Variants in AP2A1 observed in about 807,000 individuals in gnomAD.
AP2A1 encodes AP-2 complex subunit alpha-1.
AP2A1 carries 21 observed loss-of-function variants against 107.3 expected under a neutral mutation model. The observed-to-expected ratio is 0.20, with a 90% confidence interval of 0.14 to 0.28. The LOEUF (loss-of-function observed/expected upper bound fraction) is 0.28, where lower values mean the gene tolerates loss of function less well. Ranked by LOEUF, AP2A1 falls within the 10% of genes least tolerant of loss-of-function variation. The pLI, the probability that AP2A1 is intolerant of heterozygous loss-of-function variation, is 1.00. For synonymous variants in AP2A1, 602 were observed against 564.8 expected (o/e 1.07, Z -0.93); for missense variants, 873 against 1,307.7 (o/e 0.67, Z 5.13).
At chr19:49,795,836 G>C in intron 7 of AP2A1, 98 bp downstream of exon 7, 1 of 960,840 alleles carries the variant, frequency 1.0e-6, no homozygotes, top group East Asian at 2.6e-5. Flanking sequence ...GGAGGGTCTG[G>C]GTCAGGATTT....
At chr19:49,772,267 T>G (rs1163159559) in intron 1 of AP2A1, among the ~76,000 whole-genome samples, 1 of 135,180 alleles carries the variant, frequency 7.4e-6, no homozygotes, top group Non-Finnish European at 1.6e-5. Flanking sequence ...TTTTTTTTTT[T>G]TTTTTTTTTT....
rs1336700433 is a variant in AP2A1, at chr19:49,802,066, A to G, written c.2039A>G (p.Asn680Ser). Reference protein sequence around the residue: ...AAPPASAGAGNLLVDVFDGPA... With the variant: ...AAPPASAGAGSLLVDVFDGPA... ...CCCCCGGCTTCTGCAGGAGCAGGGA[A>G]CCTTCTGGTGGACGTCTTCGATGGC... Residue 680 changes from asparagine to serine, a missense_variant, in exon 15 of 23, where the codon AAC becomes AGC. This residue lies in a region of AP2A1 where 416 missense variants were observed against 473.4 expected (regional missense o/e 0.88). Transcript: ENST00000354293. 6.3e-7 allele frequency: 1 copy of G among 1,591,138 alleles called. No individual in the cohort carries two copies. Among genetic ancestry groups the G allele is most frequent in the African/African-American group, 1.3e-5 (1 of 74,222 alleles).
chr19:49,773,046 GAGCC>G (rs1193856979), intron 1 of AP2A1, among the ~76,000 whole-genome samples: 4 of 152,016 alleles, frequency 2.6e-5, no homozygotes, highest in African/African-American at 9.7e-5. Context: ...GAAGAGTGTG[GAGCC>G]AGCCAGCAGG....
Position 49,788,894 on chromosome 19 carries a change from A to ACTG in AP2A1, c.474-3037_474-3035dup, listed in dbSNP as rs1407302917. ...TGTAGGGTGAGCGTCTGGGGGCAGC[A>ACTG]CTGCTGGTCTTGGTCTGCTGCACAC... On this transcript the variant is annotated intron_variant, in intron 4 of 22. Transcript: ENST00000354293. This position sits in a 1 kb window ranked among gnomAD's most constrained non-coding sequence, Gnocchi z 4.5. 6.6e-6 allele frequency among the ~76,000 whole-genome samples: 1 copy of ACTG among 152,188 alleles called. No individual in the cohort carries two copies. The highest frequency in any genetic ancestry group is 1.5e-5 in the Non-Finnish European group (1 of 68,024).
chr19:49,782,361 G>A (rs1012875474), intron 3 of AP2A1, among the ~76,000 whole-genome samples, 170 bp from the exon 4 acceptor site: 60 of 150,238 alleles, frequency 4.0e-4, no homozygotes, highest in Non-Finnish European at 3.0e-4. Flanking sequence ...GGGTCTGAGG[G>A]AGGAGGGGCC....
intron 22 of AP2A1, chr19:49,806,479 A>C (rs2073388244): frequency 2.1e-6 from 3 of 1,441,138 alleles, no homozygotes; most frequent in African/African-American, 2.9e-5. Context: ...CTACCTTTCC[A>C]TATCCTTTCC....
In AP2A1 at chr19:49,799,617, C is replaced by G. The variant is rs753923015; in HGVS notation, c.1135-12C>G. On this transcript the variant is annotated splice_polypyrimidine_tract_variant and intron_variant, in intron 9 of 22. Coordinates refer to ENST00000354293, the MANE Select transcript of AP2A1 (RefSeq NM_130787.3). ...GTCTAAAACACACCTGGGCTCTGCT[C>G]TCCGCCCTCAGACGGAGCGGGACGT... The G allele has an allele frequency of 1.9e-6, 3 of 1,607,426 alleles. No individual in the cohort carries two copies. The highest frequency in any genetic ancestry group is 1.7e-5 in the Admixed American group (1 of 59,928).
At chr19:49,804,525 G>A (rs2073336178) in intron 18 of AP2A1, 1 of 147,912 alleles carries the variant, frequency 6.8e-6, no homozygotes, top group South Asian at 2.2e-4. Flanking sequence ...GGGCGACAGC[G>A]AGACTCCGTC....
intron 15 of AP2A1, chr19:49,802,384 G>A (rs1256416601): frequency 5.3e-6 from 5 of 940,466 alleles, no homozygotes; most frequent in Admixed American, 2.0e-5. Flanking sequence ...TCCTGTCACC[G>A]TTTCTCAGCC....
Position 49,785,612 on chromosome 19 carries a change from A to T in AP2A1, c.473+2888A>T, listed in dbSNP as rs887210357. ...ATCTGAGAGAGATCGGCACCGTCCAATAAAAATATAATGCAAAATACAGGC... is the reference window on the plus strand; with the variant it reads ...ATCTGAGAGAGATCGGCACCGTCCATTAAAAATATAATGCAAAATACAGGC... On this transcript the variant is annotated intron_variant, in intron 4 of 22. Coordinates refer to ENST00000354293, the MANE Select transcript of AP2A1 (RefSeq NM_130787.3). The surrounding 1 kb of genome is among the most constrained non-coding windows in gnomAD (Gnocchi z 4.1). Among the ~76,000 whole-genome samples, 1 of 152,008 alleles carries T rather than the reference A, an allele frequency of 6.6e-6. No individual in the cohort carries two copies. Among genetic ancestry groups the T allele is most frequent in the Non-Finnish European group, 1.5e-5 (1 of 67,976 alleles).
intron 1 of AP2A1, among the ~76,000 whole-genome samples, chr19:49,769,592 T>C (rs2084536951): frequency 6.7e-6 from 1 of 150,048 alleles, no homozygotes; most frequent in Admixed American, 6.7e-5. Flanking sequence ...GCTGTGGGAG[T>C]GAAGGGGAGA....
chr19:49,802,648 T>C (rs1336375254), intron 15 of AP2A1: 2 of 1,480,274 alleles, frequency 1.4e-6, no homozygotes, highest in South Asian at 1.3e-5. Context: ...CGGACTCGGG[T>C]GTCCCCAGGG....
chr19:49,772,736 G>C (rs1218666324), intron 1 of AP2A1, among the ~76,000 whole-genome samples: 1 of 151,574 alleles, frequency 6.6e-6, no homozygotes, highest in Admixed American at 6.6e-5. Flanking sequence ...TCCTGACCTC[G>C]TGATCCGCCC....
intron 1 of AP2A1, among the ~76,000 whole-genome samples, chr19:49,781,201 G>A (rs985854001): frequency 1.3e-5 from 2 of 152,162 alleles, no homozygotes; most frequent in Admixed American, 6.5e-5. Flanking sequence ...GGCAGCCAGA[G>A]AACAGGAGGC....
At chr19:49,803,661 T>C (rs2073322005) in intron 18 of AP2A1, 1 of 453,840 alleles carries the variant, frequency 2.2e-6, no homozygotes, top group South Asian at 2.1e-5. Context: ...GCCATCGTCC[T>C]CCACTGGGCT....
rs769174324 is a variant in AP2A1 at position 49,782,104 on chromosome 19, G to C, written c.279+15G>C. On this transcript the variant is annotated intron_variant, in intron 3 of 22. Coordinates refer to ENST00000354293, the MANE Select transcript of AP2A1 (RefSeq NM_130787.3). The stretch of plus-strand genomic sequence containing the variant: ...AGAAGCAAATAGTGAGTCTGGAGAG[G>C]GGGGTGCCAGGGCCTGGACTCCTGG... 43 of 1,549,174 alleles carry C rather than the reference G, an allele frequency of 2.8e-5. No individual in the cohort carries two copies. The highest frequency in any genetic ancestry group is 1.3e-4 in the South Asian group (11 of 83,964).
At chr19:49,776,248 G>T (rs571800759) in intron 1 of AP2A1, among the ~76,000 whole-genome samples, 1 of 151,358 alleles carries the variant, frequency 6.6e-6, no homozygotes, top group South Asian at 2.1e-4. Context: ...ATCACCGTCC[G>T]CCTGCCTTGC....
At chr19:49,787,140 G>A (rs189304995) in intron 4 of AP2A1, among the ~76,000 whole-genome samples, 18 of 151,914 alleles carry the variant, frequency 1.2e-4, no homozygotes, top group African/African-American at 4.3e-4. Flanking sequence ...CTGAGTAGCT[G>A]TGATTATAGG....
Position 49,805,473 on chromosome 19 carries a change from C to G in AP2A1, c.2365C>G (p.Arg789Gly). 1.3e-6 allele frequency: 2 copies of G among 1,549,160 alleles called. No homozygotes were observed. The highest frequency in any genetic ancestry group is 1.7e-6 in the Non-Finnish European group (2 of 1,146,074). ...GGCACAGCTGGCTGTGCAGACCAAG[C>G]GCGTGGCGGCGCAGGTGGACGGCGG... Reference protein sequence around the residue: ...LQTQLAVQTKRVAAQVDGGAQ... With the variant: ...LQTQLAVQTKGVAAQVDGGAQ... The change falls in exon 19 of 23, where the codon CGC (arginine) becomes GGC (glycine). Residue 789 changes from arginine (R) to glycine (G), a missense_variant. Physicochemically the swap from Arg to Gly is moderately radical, Grantham distance 125. Around this residue, in one of 4 missense-constraint regions of AP2A1, gnomAD observed 416 missense variants for 473.4 expected, o/e 0.88. Transcript: ENST00000354293.
Sources: gnomAD v4.1 joint callset for allele counts (sites outside exome capture counted in the v4.1 genomes callset) on GRCh38, gnomAD v4.1.1 for gene constraint, gnomAD v4.1.1 regional missense constraint, Gnocchi (gnomAD v3.1) non-coding constraint, MANE v1.5 for transcripts, NCBI Gene and HGNC (gene_info 2026-07-23, HGNC 2026-07-21) for gene names.